Variants in NTM observed in about 807,000 individuals in gnomAD.
NTM encodes neurotrimin, also known as IgLON family member 2.
In NTM, 13 loss-of-function variants were observed where a neutral mutation model predicts 42.1. The observed-to-expected ratio is 0.31, with a 90% confidence interval of 0.20 to 0.49. The LOEUF is 0.49. NTM is among the 20% of genes least tolerant of loss of function. The pLI, the probability that NTM is intolerant of heterozygous loss-of-function variation, is 0.99. For missense variants in NTM, 373 were observed against 452.8 expected, an observed-to-expected ratio of 0.82 and a Z score of 1.60; for synonymous variants, 187 against 179.2, an observed-to-expected ratio of 1.04 and a Z score of -0.35.
chr11:131,372,550 T>C (rs533167945), intron 1 of NTM, among the ~76,000 whole-genome samples: 1 of 151,756 alleles, frequency 6.6e-6, no homozygotes, highest in Non-Finnish European at 1.5e-5. Context: ...GAAAAGCAGT[T>C]TCTGTGGGGG....
At chr11:132,099,667 C>T (rs536789821) in intron 2 of NTM, among the ~76,000 whole-genome samples, 2 of 152,174 alleles carry the variant, frequency 1.3e-5, no homozygotes, top group Non-Finnish European at 2.9e-5. Flanking sequence ...CACTGCAGGA[C>T]AGCTCCGAGA....
At chr11:131,422,216 A>C (rs763441690) in intron 1 of NTM, among the ~76,000 whole-genome samples, 2 of 152,110 alleles carry the variant, frequency 1.3e-5, no homozygotes, top group Non-Finnish European at 2.9e-5. Context: ...GAACAGTCAC[A>C]TTTGAATGTT....
chr11:131,480,893 T>G (rs1400625220), intron 1 of NTM, among the ~76,000 whole-genome samples: 1 of 152,106 alleles, frequency 6.6e-6, no homozygotes, highest in Non-Finnish European at 1.5e-5. Context: ...GGTGAAAAAT[T>G]TGGGCTGAAA....
intron 1 of NTM, among the ~76,000 whole-genome samples, chr11:131,468,430 C>T (rs914404825): frequency 7.2e-5 from 11 of 152,178 alleles, no homozygotes; most frequent in African/African-American, 2.4e-4. Context: ...CAGGAAGCAG[C>T]AACAATTTCT....
intron 1 of NTM, among the ~76,000 whole-genome samples, chr11:131,594,883 T>A (rs112762576): frequency 0.013 from 1,991 of 152,276 alleles, 16 homozygotes; most frequent in Non-Finnish European, 0.022. Flanking sequence ...ATTTCTCCTC[T>A]CTTCCTCACA....
At position 132,281,213 on chromosome 11, in the gene NTM, T is replaced by C. The variant is rs562460066; in HGVS notation, c.527-26476T>C. On this transcript the variant is annotated intron_variant, in intron 4 of 8. Coordinates refer to ENST00000683400, the MANE Select transcript of NTM (RefSeq NM_001352005.2). Reference sequence around the variant, plus strand: ...TCTTCAGAGCATGGCTGCGTTTTGATTAGCTAAATTTTCTGTTAGCCCAGT... The same window carrying C: ...TCTTCAGAGCATGGCTGCGTTTTGACTAGCTAAATTTTCTGTTAGCCCAGT... Among the ~76,000 whole-genome samples the C allele has an allele frequency of 3.9e-5, 6 of 152,348 alleles. No homozygotes were observed. The South Asian group carries it at 6.2e-4, about 16-fold the overall frequency.
At chr11:131,540,692 G>A (rs1325697314) in intron 1 of NTM, 2 of 152,178 alleles carry the variant, frequency 1.3e-5, no homozygotes, top group African/African-American at 4.8e-5. Flanking sequence ...AGACTTAAAG[G>A]TGTATCACTA....
At chr11:132,205,914 C>T (rs1418916935) in intron 3 of NTM, among the ~76,000 whole-genome samples, 1 of 152,150 alleles carries the variant, frequency 6.6e-6, no homozygotes, top group African/African-American at 2.4e-5. Flanking sequence ...CTAATGTTCT[C>T]CCCAAAAGTA....
At chr11:131,390,685 T>C (rs1943889664) in intron 1 of NTM, among the ~76,000 whole-genome samples, 1 of 152,120 alleles carries the variant, frequency 6.6e-6, no homozygotes, top group African/African-American at 2.4e-5. Context: ...AGGGAGACAC[T>C]TCAGTTTGCA....
At chr11:132,197,956 C>T (rs2138399744) in intron 3 of NTM, among the ~76,000 whole-genome samples, 1 of 152,180 alleles carries the variant, frequency 6.6e-6, no homozygotes, top group South Asian at 2.1e-4. Context: ...CCACAGTAAA[C>T]ATACGTGTGC....
intron 1 of NTM, among the ~76,000 whole-genome samples, chr11:131,515,944 G>C (rs193075993): frequency 6.6e-6 from 1 of 152,102 alleles, no homozygotes; most frequent in East Asian, 1.9e-4. Context: ...CAAAGATAAG[G>C]CTTTTGCATG....
intron 1 of NTM, among the ~76,000 whole-genome samples, chr11:131,463,387 C>A (rs1565527772): frequency 6.6e-6 from 1 of 152,200 alleles, no homozygotes; most frequent in Non-Finnish European, 1.5e-5. Flanking sequence ...CCCCCCAGTG[C>A]GTGACCTGGG....
intron 1 of NTM, among the ~76,000 whole-genome samples, chr11:131,391,360 G>A (rs1282330566): frequency 6.6e-6 from 1 of 152,076 alleles, no homozygotes; most frequent in Non-Finnish European, 1.5e-5. Context: ...CCACTGCCAA[G>A]CTTGGCCCTC....
intron 1 of NTM, chr11:131,535,930 G>A (rs2052119672): frequency 6.6e-6 from 1 of 152,266 alleles, no homozygotes; most frequent in African/African-American, 2.4e-5. Flanking sequence ...GAACTGCTAA[G>A]AGTGGACAAT....
intron 1 of NTM, among the ~76,000 whole-genome samples, chr11:131,569,548 TCTTAA>T (rs1445390128): frequency 5.3e-5 from 8 of 151,734 alleles, no homozygotes; most frequent in Non-Finnish European, 7.4e-5. Flanking sequence ...TTTTTCTCTA[TCTTAA>T]CTTTTCTTTT....
intron 4 of NTM, among the ~76,000 whole-genome samples, chr11:132,270,027 T>C (rs2093403139): frequency 6.6e-6 from 1 of 152,198 alleles, no homozygotes; most frequent in Admixed American, 6.5e-5. Flanking sequence ...TTTACATTTC[T>C]TTAGTCATTC....
chr11:131,826,416 G>A (rs941616282), intron 1 of NTM, among the ~76,000 whole-genome samples: 8 of 152,040 alleles, frequency 5.3e-5, no homozygotes, highest in African/African-American at 1.9e-4. Context: ...GATATGGGAG[G>A]GTGGATGATC....
At chr11:131,855,191 T>A (rs1305856736) in intron 1 of NTM, among the ~76,000 whole-genome samples, 1 of 152,194 alleles carries the variant, frequency 6.6e-6, no homozygotes, top group African/African-American at 2.4e-5. Flanking sequence ...GAGGACTTTT[T>A]ACCCAGCAGG....
At chr11:131,485,292 A>G (rs569137762) in intron 1 of NTM, among the ~76,000 whole-genome samples, 2 of 143,834 alleles carry the variant, frequency 1.4e-5, no homozygotes, top group Non-Finnish European at 3.0e-5. Flanking sequence ...AGGCTGTGAC[A>G]TGGCCACCTG....
Sources: gnomAD v4.1 joint callset for allele counts (sites outside exome capture counted in the v4.1 genomes callset) on GRCh38, gnomAD v4.1.1 for gene constraint, MANE v1.5 for transcripts, NCBI Gene and HGNC (gene_info 2026-07-23, HGNC 2026-07-21) for gene names.